TXLNB: variants seen among roughly 807,000 people sequenced by gnomAD.
TXLNB encodes beta-taxilin.
Under a neutral mutation model 57.4 loss-of-function variants are expected in TXLNB, and 37 were observed. The ratio of observed to expected loss-of-function variants is 0.64; its 90% CI spans 0.50 to 0.85. The LOEUF (loss-of-function observed/expected upper bound fraction) is 0.85, where lower values mean the gene tolerates loss of function less well. Among genes scored for constraint, TXLNB ranks in the 40% least tolerant of loss-of-function variants. TXLNB has a pLI of 0.00. For synonymous variants in TXLNB, 302 were observed against 309.6 expected (o/e 0.98, Z 0.26); for missense variants, 848 against 825.6 (o/e 1.03, Z -0.33).
chr6:139,279,017 A>G (rs910065633), intron 2 of TXLNB, among the ~76,000 whole-genome samples: 4 of 152,216 alleles, frequency 2.6e-5, no homozygotes, highest in African/African-American at 9.6e-5. Context: ...AAAGCCAACT[A>G]GCTCAAACTC....
In TXLNB at chr6:139,283,265, G is replaced by A. The variant is rs1364690313; in HGVS notation, c.424+5211C>T. 1.5e-4 allele frequency: 17 copies of A among 116,438 alleles called. 3 individuals are homozygous for A. Among genetic ancestry groups the A allele is most frequent in the Non-Finnish European group, 2.7e-4 (15 of 56,338 alleles). 7.2% of individuals were successfully genotyped at this position (116,438 alleles called of 1,614,324 possible). A position where few individuals can be genotyped will look rare whatever the true frequency, so the allele number is the denominator to read the frequency against. ...GAGACATTTCCCAAATATTCAAGGT[G>A]TTCTGTAAAAAAAAAAAAAAAAAAG... On this transcript the variant is annotated intron_variant, in intron 2 of 9. Coordinates refer to ENST00000358430, the MANE Select transcript of TXLNB (RefSeq NM_153235.4).
the TXLNB span, among the ~76,000 whole-genome samples, chr6:139,190,457 C>T: frequency 6.6e-6 from 1 of 151,794 alleles, no homozygotes; most frequent in African/African-American, 2.4e-5. Flanking sequence ...CTACAGGTGC[C>T]CACCGCCATG....
chr6:139,175,049 C>A, the TXLNB span, among the ~76,000 whole-genome samples: 15 of 152,080 alleles, frequency 9.9e-5, no homozygotes, highest in African/African-American at 3.6e-4. Context: ...GAATTGCATG[C>A]CTTGTAAGGT....
the TXLNB span, among the ~76,000 whole-genome samples, chr6:139,200,675 G>T: frequency 2.0e-5 from 3 of 152,112 alleles, no homozygotes; most frequent in Non-Finnish European, 4.4e-5. Context: ...CAGTGATTAG[G>T]TTGGTGGGAT....
the TXLNB span, among the ~76,000 whole-genome samples, chr6:139,301,614 A>G: frequency 6.6e-6 from 1 of 152,170 alleles, no homozygotes; most frequent in African/African-American, 2.4e-5. Flanking sequence ...CTGAGATACA[A>G]TGGGTTTGGA....
chr6:139,319,970 T>C, the TXLNB span, among the ~76,000 whole-genome samples: 1 of 152,190 alleles, frequency 6.6e-6, no homozygotes, highest in Non-Finnish European at 1.5e-5. Flanking sequence ...TCTACTACTT[T>C]ATAAATATTT....
intron 8 of TXLNB, among the ~76,000 whole-genome samples, chr6:139,246,702 G>A (rs1277940234): frequency 6.6e-6 from 1 of 151,970 alleles, no homozygotes; most frequent in Non-Finnish European, 1.5e-5. Flanking sequence ...ATCACATGAG[G>A]TCAGGAGTTC....
At chr6:139,238,992 G>A (rs1775867632), downstream of TXLNB, 1 of 152,088 alleles carries the variant, frequency 6.6e-6, no homozygotes, top group South Asian at 2.1e-4. Flanking sequence ...ACGAACACAT[G>A]TTACTTTTAT....
At chr6:139,275,536 TG>T (rs1776874614) in intron 3 of TXLNB, among the ~76,000 whole-genome samples, 1 of 152,216 alleles carries the variant, frequency 6.6e-6, no homozygotes, top group Non-Finnish European at 1.5e-5. Context: ...GTAGTTTGTG[TG>T]TCTAAAAAAT....
At chr6:139,273,939 C>T (rs1440202439) in intron 3 of TXLNB, among the ~76,000 whole-genome samples, 3 of 152,190 alleles carry the variant, frequency 2.0e-5, no homozygotes. Context: ...CAAATGCTGG[C>T]TTTGTGATTT....
At chr6:139,322,632 A>G in the TXLNB span, among the ~76,000 whole-genome samples, 2 of 152,162 alleles carry the variant, frequency 1.3e-5, no homozygotes, top group Non-Finnish European at 2.9e-5. Context: ...CTGATCCAAC[A>G]CAAAAGTCCC....
the TXLNB span, among the ~76,000 whole-genome samples, chr6:139,222,803 T>C: frequency 6.6e-6 from 1 of 152,120 alleles, no homozygotes; most frequent in East Asian, 1.9e-4. Context: ...CAAGACTCTA[T>C]CTCAAAACAC....
the TXLNB span, among the ~76,000 whole-genome samples, chr6:139,214,033 GA>G: frequency 6.6e-6 from 1 of 152,076 alleles, no homozygotes; most frequent in Non-Finnish European, 1.5e-5. Flanking sequence ...ATTCACAGCC[GA>G]ATTCTACCAG....
chr6:139,270,736 TG>T, intron 3 of TXLNB, 110 bp from the exon 4 acceptor site: 1 of 917,736 alleles, frequency 1.1e-6, no homozygotes, highest in Non-Finnish European at 1.7e-6. Context: ...AAACATTTTT[TG>T]CTATTATCTC....
intron 7 of TXLNB, among the ~76,000 whole-genome samples, chr6:139,248,644 T>C (rs1476686730): frequency 2.6e-5 from 4 of 152,264 alleles, no homozygotes; most frequent in African/African-American, 7.2e-5. Flanking sequence ...CCTGCACTTC[T>C]AATGGGAAGA....
the TXLNB span, among the ~76,000 whole-genome samples, chr6:139,218,624 T>C: frequency 0.01 from 1,523 of 152,138 alleles, 21 homozygotes; most frequent in African/African-American, 0.034. Flanking sequence ...TGGTGGAGCA[T>C]GCCTGTAATC....
chr6:139,193,840 A>ATATATATTT, the TXLNB span, among the ~76,000 whole-genome samples: 53 of 85,226 alleles, frequency 6.2e-4, no homozygotes, highest in African/African-American at 2.1e-3. Context: ...ATATATATAT[A>ATATATATTT]TTTTTTTTTT....
chr6:139,201,458 TA>T, the TXLNB span, among the ~76,000 whole-genome samples: 1 of 152,188 alleles, frequency 6.6e-6, no homozygotes, highest in African/African-American at 2.4e-5. Context: ...AACCTGATGT[TA>T]ACCAATCCAC....
At chr6:139,293,064 A>C (rs1277143401), upstream of TXLNB, among the ~76,000 whole-genome samples, 1 of 152,092 alleles carries the variant, frequency 6.6e-6, no homozygotes, top group Non-Finnish European at 1.5e-5. Flanking sequence ...GTTATCTTGA[A>C]CTACTGGGTG....
Sources: gnomAD v4.1 joint callset for allele counts (sites outside exome capture counted in the v4.1 genomes callset) on GRCh38, gnomAD v4.1.1 for gene constraint, MANE v1.5 for transcripts, NCBI Gene and HGNC (gene_info 2026-07-23, HGNC 2026-07-21) for gene names.